Variants in PTGER3 observed in about 807,000 individuals in gnomAD.
PTGER3 encodes the protein prostaglandin E2 receptor EP3 subtype.
PTGER3 carries 22 observed loss-of-function variants against 34.7 expected under a neutral mutation model. The observed-to-expected ratio is 0.63, with a 90% CI of 0.45 to 0.91. The LOEUF (loss-of-function observed/expected upper bound fraction) is 0.91. PTGER3 is among the 40% of genes least tolerant of loss of function. The probability of loss-of-function intolerance (pLI) is 0.00; values close to 1 mark genes in which losing one functional copy is unlikely to be tolerated. For synonymous variants in PTGER3, 241 were observed against 230.1 expected (o/e 1.05, Z -0.43); for missense variants, 468 against 519.4 (o/e 0.90, Z 0.96).
chr1:70,906,921 C>T (rs897894295), intron 4 of PTGER3, among the ~76,000 whole-genome samples: 1 of 152,126 alleles, frequency 6.6e-6, no homozygotes, highest in Non-Finnish European at 1.5e-5. Context: ...TCATATAAAG[C>T]TATCTTCTCA....
chr1:70,967,590 T>C (rs1278428203), downstream of PTGER3, among the ~76,000 whole-genome samples: 1 of 152,142 alleles, frequency 6.6e-6, no homozygotes, highest in African/African-American at 2.4e-5. Flanking sequence ...AGGACAGATA[T>C]TTTTAGTATG....
chr1:70,918,944 A>G (rs1367214432), intron 4 of PTGER3, among the ~76,000 whole-genome samples: 2 of 152,080 alleles, frequency 1.3e-5, no homozygotes, highest in Non-Finnish European at 2.9e-5. Context: ...ATCCATTTCA[A>G]TGAAATAGTT....
intron 4 of PTGER3, among the ~76,000 whole-genome samples, chr1:70,924,689 G>A (rs1463267642): frequency 6.6e-6 from 1 of 152,078 alleles, no homozygotes; most frequent in Non-Finnish European, 1.5e-5. Flanking sequence ...CTTTTTGTAG[G>A]AATTCAGGAG....
At chr1:70,899,393 C>T (rs1646788837) in intron 4 of PTGER3, among the ~76,000 whole-genome samples, 1 of 152,076 alleles carries the variant, frequency 6.6e-6, no homozygotes, top group Non-Finnish European at 1.5e-5. Context: ...GGAAATGGCA[C>T]CCAGACTGAG....
intron 4 of PTGER3, among the ~76,000 whole-genome samples, chr1:70,897,091 T>C (rs928830036): frequency 8.5e-5 from 13 of 152,090 alleles, no homozygotes; most frequent in African/African-American, 3.1e-4. Context: ...GCCTCTTCCT[T>C]TTTATATTTG....
chr1:70,856,621 A>AT (rs1173539452), intron 4 of PTGER3, among the ~76,000 whole-genome samples: 2 of 151,986 alleles, frequency 1.3e-5, no homozygotes, highest in Non-Finnish European at 2.9e-5. Context: ...GCTTTTTCCC[A>AT]TTTTTTTAAG....
At chr1:70,933,384 TA>T (rs1648908819) in intron 4 of PTGER3, among the ~76,000 whole-genome samples, 2 of 152,174 alleles carry the variant, frequency 1.3e-5, no homozygotes, top group African/African-American at 2.4e-5. Flanking sequence ...AAAAAGATCA[TA>T]AAAAAGATCA....
chr1:70,854,114 AGACAAAT>A (rs1346598203), intron 4 of PTGER3, among the ~76,000 whole-genome samples: 1 of 152,170 alleles, frequency 6.6e-6, no homozygotes, highest in Non-Finnish European at 1.5e-5. Context: ...AAGCAAAAAT[AGACAAAT>A]GAGAGTACAT....
chr1:70,943,349 A>G (rs1404367837), intron 4 of PTGER3, among the ~76,000 whole-genome samples: 2 of 152,106 alleles, frequency 1.3e-5, no homozygotes, highest in African/African-American at 4.8e-5. Context: ...GGTGACAATC[A>G]TGTAGCCTGA....
chr1:71,011,469 T>C, intron 2 of PTGER3: 1 of 985,332 alleles, frequency 1.0e-6, no homozygotes, highest in Non-Finnish European at 1.2e-6. Context: ...GAAAAACCAC[T>C]TCACGACTCT....
intron 2 of PTGER3, among the ~76,000 whole-genome samples, chr1:70,981,266 T>G (rs145898550): frequency 7.9e-5 from 12 of 152,142 alleles, no homozygotes; most frequent in African/African-American, 2.4e-4. Flanking sequence ...TTTTCTTTTC[T>G]TTTTCCTTTT....
chr1:70,978,268 CTAGA>C (rs923255324), intron 2 of PTGER3, among the ~76,000 whole-genome samples: 10 of 152,090 alleles, frequency 6.6e-5, no homozygotes, highest in Admixed American at 5.9e-4. Context: ...AGTACTCAGG[CTAGA>C]TATACCTGTA....
intron 4 of PTGER3, among the ~76,000 whole-genome samples, chr1:70,870,921 G>A (rs1646149364): frequency 6.6e-6 from 1 of 152,098 alleles, no homozygotes; most frequent in Non-Finnish European, 1.5e-5. Flanking sequence ...TCATCTTCCT[G>A]TCGTCTTCTT....
At chr1:71,002,669 C>G (rs538162235) in intron 2 of PTGER3, among the ~76,000 whole-genome samples, 1 of 152,194 alleles carries the variant, frequency 6.6e-6, no homozygotes, top group Non-Finnish European at 1.5e-5. Flanking sequence ...AGCTGCCCAA[C>G]ATTTAAGGCA....
At chr1:70,874,350 G>C (rs1172986569) in intron 4 of PTGER3, among the ~76,000 whole-genome samples, 6 of 152,170 alleles carry the variant, frequency 3.9e-5, no homozygotes, top group African/African-American at 1.4e-4. Context: ...TTGCCATGCT[G>C]TCTGTGGGCA....
downstream of PTGER3, among the ~76,000 whole-genome samples, chr1:70,948,084 T>G (rs1397652397): frequency 6.6e-6 from 1 of 152,160 alleles, no homozygotes; most frequent in African/African-American, 2.4e-5. Context: ...TGTATCACAC[T>G]TCACTGCATA....
At chr1:71,037,381 AT>A (rs548915395) in intron 1 of PTGER3, among the ~76,000 whole-genome samples, 6 of 152,204 alleles carry the variant, frequency 3.9e-5, no homozygotes, top group Non-Finnish European at 8.8e-5. Flanking sequence ...TTACAATATA[AT>A]GTGAATAGCA....
At position 70,999,489 on chromosome 1, in the gene PTGER3, C is replaced by T. The variant is rs116878474; in HGVS notation, c.1077+12816G>A. Among the ~76,000 whole-genome samples, 146 of 152,278 alleles carry T rather than the reference C, an allele frequency of 9.6e-4. 2 individuals carry two copies. In the East Asian group the frequency reaches 0.02, roughly 21 times the overall value. Reference sequence around the variant, plus strand: ...GGCAAGAATTTTTCTTTCTGAAAGACAAAATGTGCTCCACTCAAACTGCAT... The same window carrying T: ...GGCAAGAATTTTTCTTTCTGAAAGATAAAATGTGCTCCACTCAAACTGCAT... On this transcript the variant is annotated intron_variant, in intron 2 of 3. Transcript: ENST00000306666.
chr1:70,852,905 T>C (rs1425767308), intron 4 of PTGER3: 1 of 1,575,948 alleles, frequency 6.3e-7, no homozygotes, highest in African/African-American at 1.4e-5. Flanking sequence ...ATAAATGCAC[T>C]GTTAATATCT....
Sources: gnomAD v4.1 joint callset for allele counts (sites outside exome capture counted in the v4.1 genomes callset) on GRCh38, gnomAD v4.1.1 for gene constraint, MANE v1.5 for transcripts, NCBI Gene and HGNC (gene_info 2026-07-23, HGNC 2026-07-21) for gene names.